Variants in C2orf68 observed in about 807,000 individuals in gnomAD.
C2orf68 encodes chromosome 2 open reading frame 68.
A neutral mutation model predicts 19.1 loss-of-function variants in C2orf68; 15 were observed. The ratio of observed to expected loss-of-function variants is 0.79; its 90% CI spans 0.53 to 1.21. The LOEUF is 1.21. C2orf68 is among the 50% of genes most tolerant of loss of function. The pLI is 0.00. For missense variants in C2orf68, 242 were observed against 226.6 expected, an observed-to-expected ratio of 1.07 and a Z score of -0.44; for synonymous variants, 98 against 91.0, an observed-to-expected ratio of 1.08 and a Z score of -0.44.
In C2orf68 at chr2:85,607,058, TTAA is replaced by T. The variant is rs1673240632; in HGVS notation, c.*1884_*1886del. ...TCGGCCTCCCTACCTCTTCCTTTAC[TTAA>T]TAAGAATGCGGTCTAAATTTTCAGG... On this transcript the variant is annotated 3_prime_UTR_variant, in exon 4 of 4. Coordinates refer to ENST00000306336, the MANE Select transcript of C2orf68 (RefSeq NM_001013649.4). The T allele has an allele frequency of 6.6e-6, 1 of 152,150 alleles. No individual in the cohort carries two copies. Among genetic ancestry groups the T allele is most frequent in the Non-Finnish European group, 1.5e-5 (1 of 68,042 alleles). 9.4% of individuals were successfully genotyped at this position (152,150 alleles called of 1,614,324 possible). A position where few individuals can be genotyped will look rare whatever the true frequency, so the allele number is the denominator to read the frequency against.
chr2:85,611,125 A>T, intron 2 of C2orf68: 1 of 388,340 alleles, frequency 2.6e-6, no homozygotes, highest in Non-Finnish European at 3.7e-6. Context: ...CTGTGGTCCC[A>T]GGTACTCGGG....
rs1452113610 is a variant in C2orf68 at position 85,606,351 on chromosome 2, C to T, written c.*2594G>A. Among the ~76,000 whole-genome samples the T allele has an allele frequency of 6.6e-6, 1 of 152,200 alleles. No individual in the cohort carries two copies. The highest frequency in any genetic ancestry group is 1.5e-5 in the Non-Finnish European group (1 of 68,036). ...CTGGAACATGCTCCTTGATGGAAAA[C>T]ACTAATTTTTGAAAGAAGTAGATGT... is the stretch of plus-strand genomic sequence containing the variant. On this transcript the variant is annotated 3_prime_UTR_variant, in exon 4 of 4. Transcript: ENST00000306336.
In C2orf68 at chr2:85,609,560, C is replaced by G; in HGVS notation, c.253G>C (p.Asp85His). Residue 85 changes from aspartate (D) to histidine (H), a missense_variant, in exon 3 of 4, where the codon GAC becomes CAC. Transcript: ENST00000306336. ...CTGCTTTCACCGGACTCTTCATAGT[C>G]TGGGTTGCGTGGGTGGGCAGAGACA... is the stretch of plus-strand genomic sequence containing the variant. ...RDVSAHPRNP[D>H]YEESGESSSS... 6.2e-7 allele frequency: 1 copy of G among 1,614,194 alleles called. No individual in the cohort carries two copies.
chr2:85,608,907 G>A lies in C2orf68; in HGVS notation c.*38C>T, dbSNP rs1673322892. On this transcript the variant is annotated 3_prime_UTR_variant, in exon 4 of 4. Transcript: ENST00000306336. Reference sequence around the variant, plus strand: ...TTCCCTGGGCAGAATTCTTCCGAGTGCAGTGAATCCAGCCTGGAGAGAACG... The same window carrying A: ...TTCCCTGGGCAGAATTCTTCCGAGTACAGTGAATCCAGCCTGGAGAGAACG... 1.2e-6 allele frequency: 2 copies of A among 1,607,882 alleles called. No homozygotes were observed. Among genetic ancestry groups the A allele is most frequent in the Admixed American group, 3.3e-5 (2 of 59,794 alleles).
At chr2:85,610,011 T>C (rs1673405687) in intron 2 of C2orf68, among the ~76,000 whole-genome samples, 2 of 135,260 alleles carry the variant, frequency 1.5e-5, no homozygotes, top group Admixed American at 1.5e-4. Flanking sequence ...CCAGTGTAAG[T>C]GGTTTTTTTT....
At chr2:85,611,105 T>G in intron 2 of C2orf68, 1 of 281,968 alleles carries the variant, frequency 3.5e-6, no homozygotes. Flanking sequence ...ACCGGTGTGG[T>G]GGCACACGCC....
chr2:85,609,650 G>C (rs902114659), intron 2 of C2orf68, 64 bp from the exon 3 acceptor site: 3 of 1,578,762 alleles, frequency 1.9e-6, no homozygotes, highest in South Asian at 1.1e-5. Context: ...TGTCCATAGA[G>C]ATGCTGCAGG....
At chr2:85,611,417 C>G (rs1243470072) in intron 2 of C2orf68, 13 of 1,508,506 alleles carry the variant, frequency 8.6e-6, no homozygotes, top group Non-Finnish European at 1.1e-5. Flanking sequence ...CACGGTGGGG[C>G]AAACCGGCAG....
chr2:85,611,537 A>AG (rs751407839), intron 2 of C2orf68, 131 bp downstream of exon 2: 1 of 1,551,004 alleles, frequency 6.4e-7, no homozygotes, highest in South Asian at 1.2e-5. Flanking sequence ...GGGAGCGCTG[A>AG]GGTGGAGGTT....
rs1042607466 is a variant in C2orf68, at chr2:85,606,222, G to A, written c.*2723C>T. 5.3e-5 allele frequency among the ~76,000 whole-genome samples: 8 copies of A among 152,198 alleles called. No homozygotes were observed. Among genetic ancestry groups the A allele is most frequent in the African/African-American group, 9.6e-5 (4 of 41,456 alleles). On this transcript the variant is annotated 3_prime_UTR_variant, in exon 4 of 4. Transcript: ENST00000306336. ...TTACATCGTATCTAGTCAAATGAGC[G>A]GATTCTAAAGCAGCCTGCTGGGATG...
intron 3 of C2orf68, 89 bp from the exon 4 acceptor site, chr2:85,609,156 A>G: frequency 1.3e-6 from 2 of 1,533,540 alleles, no homozygotes; most frequent in South Asian, 1.2e-5. Context: ...ACAGAACTCC[A>G]TTTAGCTCAA....
chr2:85,611,639 C>G, intron 2 of C2orf68, 29 bp downstream of exon 2: 1 of 1,566,258 alleles, frequency 6.4e-7, no homozygotes, highest in Non-Finnish European at 8.7e-7. Context: ...AGCGCGCGGG[C>G]TGGAGGCAGG....
In C2orf68 at chr2:85,609,429, G is replaced by T. The variant is rs1368128324; in HGVS notation, c.378+6C>A. 6.2e-7 allele frequency: 1 copy of T among 1,613,798 alleles called. No individual in the cohort carries two copies. The highest frequency in any genetic ancestry group is 8.5e-7 in the Non-Finnish European group (1 of 1,179,744). On this transcript the variant is annotated splice_donor_region_variant and intron_variant, in intron 3 of 3. Coordinates refer to ENST00000306336, the MANE Select transcript of C2orf68 (RefSeq NM_001013649.4). ...TTCAGGCTGCAGCTGTTTCCACCAG[G>T]CGTACCTGATAGACGATAACTGATG...
chr2:85,611,277 T>G, intron 2 of C2orf68: 1 of 1,410,338 alleles, frequency 7.1e-7, no homozygotes, highest in Non-Finnish European at 9.2e-7. Context: ...TTAACCAGTG[T>G]GATCTCTAGG....
In C2orf68 at chr2:85,609,500, G is replaced by T; in HGVS notation, c.313C>A (p.His105Asn). The change falls in exon 3 of 4, where the codon CAT becomes AAT. Residue 105 changes from histidine (H) to asparagine (N), a missense_variant. His to Asn is a moderately conservative substitution (Grantham distance 68). Transcript: ENST00000306336. ...SGGSELEPSG[H>N]QLFCLEYEAD... Reference sequence around the variant, plus strand: ...TCGTATTCTAAGCAGAAGAGCTGATGGCCAGAAGGCTCCAGCTCAGAGCCT... The same window carrying T: ...TCGTATTCTAAGCAGAAGAGCTGATTGCCAGAAGGCTCCAGCTCAGAGCCT... 1 of 1,614,194 alleles carries T rather than the reference G, an allele frequency of 6.2e-7. No homozygotes were observed. The highest frequency in any genetic ancestry group is 1.3e-5 in the African/African-American group (1 of 75,030).
Position 85,611,924 on chromosome 2 carries a change from T to G in C2orf68, c.61A>C (p.Met21Leu). 6.3e-7 allele frequency: 1 copy of G among 1,588,916 alleles called. No homozygotes were observed. The highest frequency in any genetic ancestry group is 8.5e-7 in the Non-Finnish European group (1 of 1,174,182). Reference protein sequence around the residue: ...HCCKPGGRLDMNHGFVHHIRR... With the variant: ...HCCKPGGRLDLNHGFVHHIRR... ...ATATGGTGCACGAAGCCGTGGTTCA[T>G]GTCCAGCCGCCCCCCAGGCTTGCAG... The change falls in exon 1 of 4, where the codon ATG (methionine) becomes CTG (leucine). Residue 21 changes from methionine (M) to leucine (L), a missense_variant. Physicochemically the swap from Met to Leu is conservative, Grantham distance 15 (BLOSUM62 2). Coordinates refer to ENST00000306336, the MANE Select transcript of C2orf68 (RefSeq NM_001013649.4).
At chr2:85,611,546 T>C in intron 2 of C2orf68, 122 bp downstream of exon 2, 1 of 1,550,806 alleles carries the variant, frequency 6.4e-7, no homozygotes, top group Non-Finnish European at 8.7e-7. Flanking sequence ...GAGGTGGAGG[T>C]TCCGGAAAGA....
In C2orf68 at chr2:85,609,072, G is replaced by A. The variant is rs752757700; in HGVS notation, c.379-5C>T. ...CACCTTTCCTGGGTCATCACCCTACGTGGAGGAAGAGTCAGAAGGCTCAGG... is the reference window on the plus strand; with the variant it reads ...CACCTTTCCTGGGTCATCACCCTACATGGAGGAAGAGTCAGAAGGCTCAGG... On this transcript the variant is annotated splice_region_variant and splice_polypyrimidine_tract_variant and intron_variant, in intron 3 of 3. Transcript: ENST00000306336. The A allele has an allele frequency of 4.3e-6, 7 of 1,613,920 alleles. No homozygotes were observed. The highest frequency in any genetic ancestry group is 2.2e-5 in the East Asian group (1 of 44,894).
rs746372773 is a variant in C2orf68, at chr2:85,609,021, G to A, written c.425C>T (p.Pro142Leu). The A allele has an allele frequency of 4.3e-6, 7 of 1,614,252 alleles. No homozygotes were observed. The highest frequency in any genetic ancestry group is 5.9e-6 in the Non-Finnish European group (7 of 1,180,050). Residue 142 changes from proline to leucine, a missense_variant, in exon 4 of 4, where the codon CCT (proline) becomes CTT (leucine). Physicochemically the swap from Pro to Leu is moderately conservative, Grantham distance 98. Transcript: ENST00000306336. ...KVSEKVSAHT[P>L]LDPPMREALK... ...GGCTTCTCGCATGGGTGGATCCAGA[G>A]GCGTGTGTGCCGACACCTTCTCACT... is the stretch of plus-strand genomic sequence containing the variant.
Sources: allele counts gnomAD v4.1 joint callset (sites outside exome capture counted in the v4.1 genomes callset), GRCh38; gene constraint gnomAD v4.1.1; transcripts MANE v1.5; gene names NCBI Gene and HGNC (gene_info 2026-07-23, HGNC 2026-07-21).